The following HERC1 variants were observed in gnomAD, a reference collection of about 807,000 sequenced individuals.
The protein encoded by HERC1 is probable E3 ubiquitin-protein ligase HERC1.
Under a neutral mutation model 554.3 loss-of-function variants are expected in HERC1, and 160 were observed. The observed-to-expected ratio is 0.29, with a 90% CI of 0.25 to 0.33. The LOEUF (loss-of-function observed/expected upper bound fraction) is 0.33. Among genes scored for constraint, HERC1 ranks in the 10% least tolerant of loss-of-function variants. The pLI is 1.00. For missense variants in HERC1, 4,919 were observed against 5,918.5 expected (o/e 0.83, Z 5.54); for synonymous variants, 2,175 against 2,131.7 (o/e 1.02, Z -0.56).
rs150117727 is a variant in HERC1, at chr15:63,725,964, C to T, written c.3347-451G>A. On this transcript the variant is annotated intron_variant, in intron 17 of 77. Transcript: ENST00000443617. ...CTTAATACTAAGATCCAGACCCATG[C>T]TTTCTTTTTTTCTGGGGGGCGGGGG... 2.2e-3 allele frequency among the ~76,000 whole-genome samples: 327 copies of T among 149,490 alleles called. 1 individual carries two copies. Among genetic ancestry groups the T allele is most frequent in the African/African-American group, 7.8e-3 (316 of 40,480 alleles).
At chr15:63,695,024 C>A in intron 27 of HERC1, 130 bp from the exon 28 acceptor site, 1 of 685,048 alleles carries the variant, frequency 1.5e-6, no homozygotes, top group Admixed American at 5.0e-5. Context: ...TACTATATTT[C>A]ATATATAAAG....
At chr15:63,725,586 C>A in intron 17 of HERC1, 73 bp from the exon 18 acceptor site, 3 of 1,184,858 alleles carry the variant, frequency 2.5e-6, no homozygotes, top group Non-Finnish European at 3.7e-6. Context: ...TCATAGTCTC[C>A]TACCGTACTG....
chr15:63,721,238 A>C (rs1007007151), intron 19 of HERC1, among the ~76,000 whole-genome samples: 5 of 152,136 alleles, frequency 3.3e-5, no homozygotes, highest in Admixed American at 2.0e-4. Flanking sequence ...AACAAACAAA[A>C]TGGGGCCAGG....
intron 1 of HERC1, among the ~76,000 whole-genome samples, chr15:63,816,117 TGTTCCTCAGATCACTA>T (rs2077485704): frequency 6.6e-6 from 1 of 152,172 alleles, no homozygotes; most frequent in Non-Finnish European, 1.5e-5. Context: ...TCCCAAAACT[TGTTCCTCAGATCACTA>T]GTTCCTCAAG....
At chr15:63,732,651 T>A (rs865799621) in intron 14 of HERC1, among the ~76,000 whole-genome samples, 1 of 152,242 alleles carries the variant, frequency 6.6e-6, no homozygotes, top group South Asian at 2.1e-4. Context: ...TTGCTCATTA[T>A]TCTTCTCTCT....
At chr15:63,824,962 A>T (rs1452652813) in intron 1 of HERC1, among the ~76,000 whole-genome samples, 1 of 152,186 alleles carries the variant, frequency 6.6e-6, no homozygotes, top group Non-Finnish European at 1.5e-5. Context: ...ATGCAGGTCA[A>T]GGGAACAAAG....
chr15:63,713,386 G>A lies in HERC1; in HGVS notation c.4430C>T (p.Thr1477Ile), dbSNP rs2073401023. The change falls in exon 23 of 78, where the codon ACA becomes ATA. Residue 1477 changes from threonine to isoleucine, a missense_variant. By Grantham distance (89) the Thr-to-Ile change is moderately conservative. Coordinates refer to ENST00000443617, the MANE Select transcript of HERC1 (RefSeq NM_003922.4). ...REEGQLQQPS[T>I]SASEGGGLMT... ...AAGTCCACCCCCTTCAGAGGCACTT[G>A]TTGAAGGTTGCTGCAACTGTCCTTC... 1 of 1,613,856 alleles carries A rather than the reference G, an allele frequency of 6.2e-7. No individual in the cohort carries two copies. Among genetic ancestry groups the A allele is most frequent in the Non-Finnish European group, 8.5e-7 (1 of 1,179,856 alleles).
intron 38 of HERC1, among the ~76,000 whole-genome samples, chr15:63,673,162 T>C (rs909961547): frequency 6.6e-6 from 1 of 152,096 alleles, no homozygotes. Context: ...AAAAGGACAA[T>C]TTCATTAAAA....
intron 12 of HERC1, among the ~76,000 whole-genome samples, chr15:63,739,211 T>TTTC (rs1249186765): frequency 6.7e-6 from 1 of 148,460 alleles, no homozygotes; most frequent in Non-Finnish European, 1.5e-5. Context: ...TTTTTTTTTT[T>TTTC]TTTTTAGATG....
chr15:63,655,975 A>C lies in HERC1; in HGVS notation c.9871-20T>G. On this transcript the variant is annotated intron_variant, in intron 49 of 77. Coordinates refer to ENST00000443617, the MANE Select transcript of HERC1 (RefSeq NM_003922.4). Reference sequence around the variant, plus strand: ...CAAGTTCTGAAGAAGCAATTGGAAAAACAGACTTAATTTTTACATGTAATT... The same window carrying C: ...CAAGTTCTGAAGAAGCAATTGGAAACACAGACTTAATTTTTACATGTAATT... The C allele has an allele frequency of 1.2e-6, 2 of 1,601,554 alleles. No individual in the cohort carries two copies. The highest frequency in any genetic ancestry group is 1.7e-6 in the Non-Finnish European group (2 of 1,171,808).
At chr15:63,650,330 C>T (rs1299742970) in intron 53 of HERC1, among the ~76,000 whole-genome samples, 5 of 152,120 alleles carry the variant, frequency 3.3e-5, no homozygotes, top group South Asian at 2.1e-4. Context: ...GCCGAGATCA[C>T]GCCACTGCAC....
At chr15:63,729,758 C>T (rs1321701918) in intron 14 of HERC1, 109 bp from the exon 15 acceptor site, 26 of 1,048,296 alleles carry the variant, frequency 2.5e-5, no homozygotes, top group Non-Finnish European at 2.9e-5. Context: ...TGCGGTGACT[C>T]ACACCTGTAA....
chr15:63,733,923 G>A (rs1400048986), intron 13 of HERC1, among the ~76,000 whole-genome samples: 2 of 152,140 alleles, frequency 1.3e-5, no homozygotes, highest in Non-Finnish European at 2.9e-5. Context: ...AGCACTTTGG[G>A]AGGCCAGAGC....
chr15:63,694,742 G>A lies in HERC1; in HGVS notation c.5242+32C>T. The stretch of plus-strand genomic sequence containing the variant: ...ATAACCTCGGGCTAAAATGTAACCT[G>A]CACTGTACATTTGCAGGAACCGTTT... On this transcript the variant is annotated intron_variant, in intron 28 of 77. Coordinates refer to ENST00000443617, the MANE Select transcript of HERC1 (RefSeq NM_003922.4). The surrounding 1 kb of genome is among the most constrained non-coding windows in gnomAD (Gnocchi z 4.3). The A allele has an allele frequency of 1.2e-6, 2 of 1,613,560 alleles. No individual in the cohort carries two copies. Among genetic ancestry groups the A allele is most frequent in the Non-Finnish European group, 8.5e-7 (1 of 1,179,616 alleles).
At chr15:63,760,894 A>C (rs1472570340) in intron 3 of HERC1, among the ~76,000 whole-genome samples, 2 of 152,172 alleles carry the variant, frequency 1.3e-5, no homozygotes, top group Non-Finnish European at 2.9e-5. Context: ...AAAATTACTG[A>C]TCTTTAAAGA....
chr15:63,641,723 C>A, intron 59 of HERC1, 80 bp from the exon 60 acceptor site: 1 of 1,197,196 alleles, frequency 8.4e-7, no homozygotes, highest in South Asian at 1.9e-5. Flanking sequence ...CTGCGAAATT[C>A]CTTCTAGTAA....
intron 39 of HERC1, among the ~76,000 whole-genome samples, chr15:63,670,000 C>T (rs1379218539): frequency 6.6e-6 from 1 of 152,130 alleles, no homozygotes; most frequent in Non-Finnish European, 1.5e-5. Context: ...TTTCCTTCAA[C>T]TATAATACCA....
chr15:63,615,623 T>C (rs1306581817), intron 76 of HERC1, 145 bp downstream of exon 76: 2 of 563,434 alleles, frequency 3.5e-6, no homozygotes, highest in African/African-American at 4.0e-5. Context: ...AATAAATAAG[T>C]AAATTAAAAT....
intron 1 of HERC1, among the ~76,000 whole-genome samples, chr15:63,783,090 A>G (rs878902012): frequency 6.6e-6 from 1 of 152,252 alleles, no homozygotes; most frequent in East Asian, 1.9e-4. Context: ...GGATTAGAAT[A>G]TTACATAAAT....
Sources: allele counts gnomAD v4.1 joint callset (sites outside exome capture counted in the v4.1 genomes callset), GRCh38; gene constraint gnomAD v4.1.1; non-coding constraint Gnocchi (gnomAD v3.1); transcripts MANE v1.5; gene names NCBI Gene and HGNC (gene_info 2026-07-23, HGNC 2026-07-21).